PLD5: variants seen among roughly 807,000 people sequenced by gnomAD.
PLD5 encodes the protein inactive phospholipase D5.
Under a neutral mutation model 61.1 loss-of-function variants are expected in PLD5, and 36 were observed. The ratio of observed to expected loss-of-function variants is 0.59; its 90% CI spans 0.45 to 0.78. The LOEUF (loss-of-function observed/expected upper bound fraction) is 0.78. Among genes scored for constraint, PLD5 ranks in the 30% least tolerant of loss-of-function variants. PLD5 has a pLI of 0.00. For missense variants in PLD5, 515 were observed against 644.4 expected, an observed-to-expected ratio of 0.80 and a Z score of 2.17; for synonymous variants, 243 against 242.8, an observed-to-expected ratio of 1.00 and a Z score of -0.01.
chr1:242,469,501 T>C (rs1667374561), intron 1 of PLD5, among the ~76,000 whole-genome samples: 1 of 152,150 alleles, frequency 6.6e-6, no homozygotes, highest in Admixed American at 6.5e-5. Flanking sequence ...GAGTTGTCTT[T>C]TCTCATGTAT....
intron 4 of PLD5, among the ~76,000 whole-genome samples, chr1:242,247,680 G>A (rs937352090): frequency 1.3e-5 from 2 of 152,090 alleles, no homozygotes; most frequent in Non-Finnish European, 2.9e-5. Flanking sequence ...AGGTTTTTTG[G>A]GGGTCCCCTT....
intron 5 of PLD5, among the ~76,000 whole-genome samples, chr1:242,171,968 T>G (rs1666783663): frequency 6.6e-6 from 1 of 152,164 alleles, no homozygotes; most frequent in Admixed American, 6.5e-5. Flanking sequence ...CACCCCACTG[T>G]CAATATTAGA....
intron 1 of PLD5, among the ~76,000 whole-genome samples, chr1:242,434,189 G>A (rs566715865): frequency 2.5e-4 from 38 of 152,312 alleles, no homozygotes; most frequent in Non-Finnish European, 4.0e-4. Context: ...GGTGATGCTG[G>A]CATGGACCAG....
At chr1:242,397,769 TTTCTTC>T (rs199697142) in intron 1 of PLD5, among the ~76,000 whole-genome samples, 151 of 147,284 alleles carry the variant, frequency 1.0e-3, no homozygotes, top group Middle Eastern at 7.2e-3. Flanking sequence ...AGCACGTCTT[TTTCTTC>T]TTCTTCTTCT....
chr1:242,198,768 C>G (rs1305496327), intron 5 of PLD5, among the ~76,000 whole-genome samples: 1 of 150,432 alleles, frequency 6.6e-6, no homozygotes, highest in Non-Finnish European at 1.5e-5. Flanking sequence ...TGGAGTTTCA[C>G]TCGTTGCCCA....
intron 5 of PLD5, among the ~76,000 whole-genome samples, chr1:242,159,231 A>AG (rs1665638015): frequency 6.6e-6 from 1 of 152,188 alleles, no homozygotes; most frequent in African/African-American, 2.4e-5. Context: ...GGATATAGAA[A>AG]GGTAAAAGTC....
chr1:242,229,487 T>C (rs1290798651), intron 4 of PLD5, among the ~76,000 whole-genome samples: 1 of 152,242 alleles, frequency 6.6e-6, no homozygotes, highest in Non-Finnish European at 1.5e-5. Flanking sequence ...TGTTTCTCCA[T>C]ACAGATACAT....
At chr1:242,471,703 T>C (rs578167708) in intron 1 of PLD5, among the ~76,000 whole-genome samples, 1 of 152,108 alleles carries the variant, frequency 6.6e-6, no homozygotes, top group Non-Finnish European at 1.5e-5. Flanking sequence ...CAATACACAA[T>C]GACAACACTG....
chr1:242,285,769 T>C (rs577537116), intron 3 of PLD5, among the ~76,000 whole-genome samples: 2 of 151,990 alleles, frequency 1.3e-5, no homozygotes, highest in South Asian at 2.1e-4. Flanking sequence ...ATAGTAACTA[T>C]AGAAGTAAAC....
At chr1:242,363,132 A>G (rs12734486) in intron 1 of PLD5, among the ~76,000 whole-genome samples, 2,918 of 151,632 alleles carry the variant, frequency 0.019, 43 homozygotes, top group East Asian at 0.031. Context: ...ACACAGCTGT[A>G]AGGAGCTACC....
In PLD5 at chr1:242,372,408, C is replaced by A. The variant is rs573811296; in HGVS notation, c.190-24166G>T. 3.9e-5 allele frequency among the ~76,000 whole-genome samples: 6 copies of A among 152,182 alleles called. No individual in the cohort carries two copies. The South Asian group carries it at 1.0e-3, about 26-fold the overall frequency. On this transcript the variant is annotated intron_variant, in intron 1 of 9. Coordinates refer to ENST00000536534, the MANE Select transcript of PLD5 (RefSeq NM_001372062.1). ...ATTCAATGCCATCCCCATCAAGCTACCAATGACTTTCTTCACAGAATTGGA... is the reference window on the plus strand; with the variant it reads ...ATTCAATGCCATCCCCATCAAGCTAACAATGACTTTCTTCACAGAATTGGA...
rs562982176 is a variant in PLD5 at position 242,489,118 on chromosome 1, G to C, written c.189+34970C>G. On this transcript the variant is annotated intron_variant, in intron 1 of 9. Transcript: ENST00000536534. The stretch of plus-strand genomic sequence containing the variant: ...AGAAGCCAGACACAAATGAGTACAT[G>C]CTCTGTGATCCTATTTATTCAAAGC... Among the ~76,000 whole-genome samples the C allele has an allele frequency of 2.6e-5, 4 of 152,224 alleles. No individual in the cohort carries two copies. The South Asian group carries it at 6.2e-4, about 24-fold the overall frequency.
chr1:242,100,399 A>G (rs530519750), intron 9 of PLD5, among the ~76,000 whole-genome samples: 3 of 152,324 alleles, frequency 2.0e-5, no homozygotes, highest in Non-Finnish European at 2.9e-5. Flanking sequence ...TGCCTGTACA[A>G]TGAGGCAAAT....
intron 5 of PLD5, among the ~76,000 whole-genome samples, chr1:242,179,907 C>T (rs1445531084): frequency 8.0e-6 from 1 of 124,490 alleles, no homozygotes; most frequent in Non-Finnish European, 1.6e-5. Context: ...TGTCTCAAAA[C>T]AAAACCAAAA....
chr1:242,266,347 C>G (rs1673670285), intron 3 of PLD5, among the ~76,000 whole-genome samples: 1 of 152,220 alleles, frequency 6.6e-6, no homozygotes, highest in African/African-American at 2.4e-5. Context: ...CACCAGAGCA[C>G]TCCAGCCTGG....
chr1:242,359,254 C>T (rs1305199427), intron 1 of PLD5, among the ~76,000 whole-genome samples: 6 of 152,088 alleles, frequency 3.9e-5, no homozygotes, highest in Non-Finnish European at 7.4e-5. Context: ...AAGTAGGCTT[C>T]CTGGGAAGTG....
At chr1:242,385,231 T>C (rs1265325539) in intron 1 of PLD5, among the ~76,000 whole-genome samples, 2 of 152,158 alleles carry the variant, frequency 1.3e-5, no homozygotes, top group African/African-American at 2.4e-5. Flanking sequence ...CTGAGTATCA[T>C]TATTACACCA....
At chr1:242,375,148 G>A (rs1002105614) in intron 1 of PLD5, among the ~76,000 whole-genome samples, 7 of 152,134 alleles carry the variant, frequency 4.6e-5, no homozygotes, top group African/African-American at 1.2e-4. Context: ...TACCAAGCAC[G>A]TCCTAGCCTC....
At chr1:242,151,534 GT>G (rs1558276284) in intron 5 of PLD5, among the ~76,000 whole-genome samples, 1 of 151,930 alleles carries the variant, frequency 6.6e-6, no homozygotes. Flanking sequence ...TCTAACTCTT[GT>G]CAATATTCCT....
Sources: allele counts gnomAD v4.1 joint callset (sites outside exome capture counted in the v4.1 genomes callset), GRCh38; gene constraint gnomAD v4.1.1; transcripts MANE v1.5; gene names NCBI Gene and HGNC (gene_info 2026-07-23, HGNC 2026-07-21).